Variants in ARFGEF1 observed in about 807,000 individuals in gnomAD.
ARFGEF1 encodes the protein brefeldin A-inhibited guanine nucleotide-exchange protein 1.
ARFGEF1 carries 42 observed loss-of-function variants against 231.0 expected under a neutral mutation model. The ratio of observed to expected loss-of-function variants is 0.18; its 90% CI spans 0.14 to 0.24. The LOEUF (loss-of-function observed/expected upper bound fraction) is 0.24. ARFGEF1 is among the 10% of genes least tolerant of loss of function. The probability of loss-of-function intolerance (pLI) is 1.00; values close to 1 mark genes in which losing one functional copy is unlikely to be tolerated. For synonymous variants in ARFGEF1, 710 were observed against 732.3 expected, an observed-to-expected ratio of 0.97 and a Z score of 0.49; for missense variants, 1,345 against 2,192.0, an observed-to-expected ratio of 0.61 and a Z score of 7.72.
chr8:67,218,081 A>G lies in ARFGEF1; in HGVS notation c.4396T>C (p.Phe1466Leu). The G allele has an allele frequency of 6.2e-7, 1 of 1,601,006 alleles. No homozygotes were observed. The highest frequency in any genetic ancestry group is 8.5e-7 in the Non-Finnish European group (1 of 1,173,228). ...NHALYAICDVFTQYLEVLSDV... is the reference protein window; with the variant it reads ...NHALYAICDVLTQYLEVLSDV... Reference sequence around the variant, plus strand: ...CTGAGTACTTCTAAATACTGAGTGAATACATCACAGATTGCATAAAGTGCA... The same window carrying G: ...CTGAGTACTTCTAAATACTGAGTGAGTACATCACAGATTGCATAAAGTGCA... Residue 1466 changes from phenylalanine (F) to leucine (L), a missense_variant, in exon 31 of 39, where the codon TTC becomes CTC. Phe to Leu is a conservative substitution (Grantham distance 22, BLOSUM62 0). This residue lies in a region of ARFGEF1 where 18 missense variants were observed against 63.5 expected (regional missense o/e 0.28). Coordinates refer to ENST00000262215, the MANE Select transcript of ARFGEF1 (RefSeq NM_006421.5).
chr8:67,330,743 A>G (rs181256461), intron 1 of ARFGEF1, among the ~76,000 whole-genome samples: 1 of 152,322 alleles, frequency 6.6e-6, no homozygotes, highest in Admixed American at 6.5e-5. Flanking sequence ...TTATTTCTAA[A>G]GATCAAAGCA....
At chr8:67,244,338 A>C (rs1376048048) in intron 19 of ARFGEF1, among the ~76,000 whole-genome samples, 1 of 92,470 alleles carries the variant, frequency 1.1e-5, no homozygotes, top group East Asian at 3.6e-4. Context: ...TTTTTTGAGG[A>C]TCTCACTCTG....
chr8:67,195,792 A>ATAGAT (rs1432693867), downstream of ARFGEF1: 2 of 549,352 alleles, frequency 3.6e-6, no homozygotes, highest in African/African-American at 1.9e-5. Context: ...ATAGAATTGT[A>ATAGAT]TAGATTATTT....
chr8:67,304,604 A>G (rs867661091), intron 1 of ARFGEF1, among the ~76,000 whole-genome samples: 1 of 152,342 alleles, frequency 6.6e-6, no homozygotes, highest in African/African-American at 2.4e-5. Context: ...AGGCACATCG[A>G]TCACTTGAGG....
chr8:67,340,805 G>A (rs1808589663), intron 1 of ARFGEF1, among the ~76,000 whole-genome samples: 1 of 152,146 alleles, frequency 6.6e-6, no homozygotes, highest in Non-Finnish European at 1.5e-5. Flanking sequence ...CTTCTATTGA[G>A]TATACAGAAG....
intron 19 of ARFGEF1, 87 bp downstream of exon 19, chr8:67,251,212 C>T: frequency 8.0e-7 from 1 of 1,246,898 alleles, no homozygotes; most frequent in Non-Finnish European, 1.1e-6. Flanking sequence ...TGTTATATCA[C>T]TGTATCGCTT....
At chr8:67,295,804 G>T (rs979365598) in intron 5 of ARFGEF1, among the ~76,000 whole-genome samples, 1 of 152,158 alleles carries the variant, frequency 6.6e-6, no homozygotes, top group African/African-American at 2.4e-5. Context: ...AGGTATGTAA[G>T]TTAACTGCAT....
intron 19 of ARFGEF1, among the ~76,000 whole-genome samples, chr8:67,250,512 T>C (rs545731147): frequency 8.5e-5 from 13 of 152,202 alleles, no homozygotes; most frequent in African/African-American, 2.9e-4. Flanking sequence ...GAAGAAGAGG[T>C]AGGAGTAATT....
At chr8:67,306,765 T>TTTTG (rs138098110) in intron 1 of ARFGEF1, among the ~76,000 whole-genome samples, 3 of 152,032 alleles carry the variant, frequency 2.0e-5, no homozygotes, top group African/African-American at 7.3e-5. Context: ...AAATGGATAG[T>TTTTG]TTTGTTTGTT....
At chr8:67,256,899 G>C (rs962256306) in intron 17 of ARFGEF1, among the ~76,000 whole-genome samples, 1 of 152,068 alleles carries the variant, frequency 6.6e-6, no homozygotes, top group Admixed American at 6.5e-5. Context: ...TTCTCTTTTA[G>C]AGAAACACAC....
At chr8:67,177,399 GGATCCTGCATT>G (rs1395086885) in intron 5 of ARFGEF1, among the ~76,000 whole-genome samples, 1 of 152,168 alleles carries the variant, frequency 6.6e-6, no homozygotes, top group Non-Finnish European at 1.5e-5. Context: ...AGATGGTGAA[GGATCCTGCATT>G]GATCATTTTC....
At chr8:67,191,434 T>C (rs912267475) in intron 5 of ARFGEF1, among the ~76,000 whole-genome samples, 2 of 152,396 alleles carry the variant, frequency 1.3e-5, no homozygotes, top group Admixed American at 1.3e-4. Context: ...CATTACCAGG[T>C]GAAAATAGCT....
rs150028588 is a variant in ARFGEF1, at chr8:67,321,155, A to G, written c.125-18689T>C. On this transcript the variant is annotated intron_variant, in intron 1 of 38. Coordinates refer to ENST00000262215, the MANE Select transcript of ARFGEF1 (RefSeq NM_006421.5). ...TAGGTATGTGAGAAATGGTGTGACTATAAGTATGGGGGGGGGTTTGGGGGT... is the reference window on the plus strand; with the variant it reads ...TAGGTATGTGAGAAATGGTGTGACTGTAAGTATGGGGGGGGGTTTGGGGGT... Among the ~76,000 whole-genome samples the G allele has an allele frequency of 1.7e-3, 247 of 143,816 alleles. 3 individuals are homozygous for G. The South Asian group carries it at 0.018, about 11-fold the overall frequency. 94.3% of individuals were successfully genotyped at this position (143,816 alleles called of 152,430 possible).
intron 4 of ARFGEF1, 36 bp downstream of exon 4, chr8:67,299,173 A>G (rs1026790158): frequency 1.3e-6 from 2 of 1,483,990 alleles, no homozygotes; most frequent in African/African-American, 1.4e-5. Context: ...GAAGATACAG[A>G]TTATTAATAA....
intron 1 of ARFGEF1, among the ~76,000 whole-genome samples, chr8:67,325,010 T>C (rs978089436): frequency 2.0e-5 from 3 of 151,948 alleles, no homozygotes; most frequent in Non-Finnish European, 4.4e-5. Context: ...GCCTCCTGCA[T>C]TCAAGCAATT....
chr8:67,218,207 A>AAGATATATATATAT (rs1491555936), intron 30 of ARFGEF1, 69 bp from the exon 31 acceptor site: 1 of 90,852 alleles, frequency 1.1e-5, no homozygotes, highest in African/African-American at 6.9e-5. Context: ...AAAAAAAAAA[A>AAGATATATATATAT]ATATATATAT....
chr8:67,322,641 G>A (rs1176613514), intron 1 of ARFGEF1, among the ~76,000 whole-genome samples: 2 of 152,180 alleles, frequency 1.3e-5, no homozygotes, highest in African/African-American at 4.8e-5. Flanking sequence ...GGAGTTCGAG[G>A]ATGCTGTAAG....
chr8:67,198,755 A>C lies in ARFGEF1; in HGVS notation c.*179T>G. 7.2e-7 allele frequency: 1 copy of C among 1,392,340 alleles called. No homozygotes were observed. The highest frequency in any genetic ancestry group is 9.3e-7 in the Non-Finnish European group (1 of 1,077,368). The allele number at this position is 1,392,340 out of a possible 1,614,324, so 86.2% of individuals were successfully genotyped here. A position where few individuals can be genotyped will look rare whatever the true frequency, so the allele number is the denominator to read the frequency against. ...ACATGAGGCCAATATAACACACAAA[A>C]TCCACCAGCACTAAAAGGGACTGGA... On this transcript the variant is annotated 3_prime_UTR_variant, in exon 39 of 39. Coordinates refer to ENST00000262215, the MANE Select transcript of ARFGEF1 (RefSeq NM_006421.5).
At chr8:67,293,574 A>C (rs1587242586) in intron 5 of ARFGEF1, among the ~76,000 whole-genome samples, 1 of 152,318 alleles carries the variant, frequency 6.6e-6, no homozygotes, top group East Asian at 1.9e-4. Flanking sequence ...TCATCTATAA[A>C]AAAGAATGAG....
Sources: gnomAD v4.1 joint callset for allele counts (sites outside exome capture counted in the v4.1 genomes callset) on GRCh38, gnomAD v4.1.1 for gene constraint, gnomAD v4.1.1 regional missense constraint, MANE v1.5 for transcripts, NCBI Gene and HGNC (gene_info 2026-07-23, HGNC 2026-07-21) for gene names.